The following CCSER1 variants were observed in gnomAD, a reference collection of about 807,000 sequenced individuals.
CCSER1 encodes coiled-coil serine rich protein 1.
CCSER1 carries 41 observed loss-of-function variants against 82.0 expected under a neutral mutation model. That is an observed-to-expected ratio of 0.50 (90% CI 0.39 to 0.65). The LOEUF is 0.65. Among genes scored for constraint, CCSER1 ranks in the 30% least tolerant of loss-of-function variants. CCSER1 has a pLI of 0.00. For synonymous variants in CCSER1, 414 were observed against 383.9 expected (o/e 1.08, Z -0.92); for missense variants, 1,119 against 1,064.2 (o/e 1.05, Z -0.72).
chr4:90,871,627 T>A (rs963937173), intron 8 of CCSER1, among the ~76,000 whole-genome samples: 1 of 151,890 alleles, frequency 6.6e-6, no homozygotes. Context: ...AGGAAAATAA[T>A]GTGTATTCTG....
intron 10 of CCSER1, among the ~76,000 whole-genome samples, chr4:91,334,005 A>AT (rs1747138835): frequency 1.3e-5 from 2 of 152,120 alleles, no homozygotes; most frequent in Admixed American, 1.3e-4. Flanking sequence ...AATGGACATC[A>AT]TCTATGTATT....
chr4:90,299,117 A>G lies in CCSER1; in HGVS notation c.-41-9127A>G, dbSNP rs146499135. Among the ~76,000 whole-genome samples the G allele has an allele frequency of 4.8e-3, 729 of 152,210 alleles. 3 individuals are homozygous for G. The highest frequency in any genetic ancestry group is 7.4e-3 in the Non-Finnish European group (503 of 67,996). On this transcript the variant is annotated intron_variant, in intron 1 of 10. Transcript: ENST00000509176. ...ATATATCATCATCCCTTAATTAATTAATCCAAACGACTCATCTGCTTTCCT... is the reference window on the plus strand; with the variant it reads ...ATATATCATCATCCCTTAATTAATTGATCCAAACGACTCATCTGCTTTCCT...
At chr4:91,192,770 T>C (rs2149051238) in intron 10 of CCSER1, among the ~76,000 whole-genome samples, 1 of 152,320 alleles carries the variant, frequency 6.6e-6, no homozygotes, top group East Asian at 1.9e-4. Flanking sequence ...TTTTGGTTTT[T>C]ACAAAATAAA....
intron 1 of CCSER1, among the ~76,000 whole-genome samples, chr4:90,221,450 C>T (rs1389039754): frequency 6.6e-6 from 1 of 152,072 alleles, no homozygotes; most frequent in African/African-American, 2.4e-5. Flanking sequence ...AAGACCTGTA[C>T]CAGGCATTTT....
rs182667619 is a variant in CCSER1 at position 90,183,760 on chromosome 4, A to G, written c.-42+55929A>G. ...ATTCTTTCTATTGTCACAATCTGGC[A>G]GTGTTAAGGACAATTTCAGTTCACT... On this transcript the variant is annotated intron_variant, in intron 1 of 10. Coordinates refer to ENST00000509176, the MANE Select transcript of CCSER1 (RefSeq NM_001145065.2). 2.6e-5 allele frequency among the ~76,000 whole-genome samples: 4 copies of G among 152,266 alleles called. No homozygotes were observed. In the East Asian group the frequency reaches 5.8e-4, roughly 22 times the overall value.
At chr4:91,364,219 G>T (rs1019416034) in intron 10 of CCSER1, among the ~76,000 whole-genome samples, 3 of 151,944 alleles carry the variant, frequency 2.0e-5, no homozygotes, top group African/African-American at 7.2e-5. Flanking sequence ...TAGTGCAGTA[G>T]CTCCTTGTCT....
chr4:91,097,513 AT>A (rs1724625754), intron 10 of CCSER1, among the ~76,000 whole-genome samples: 1 of 152,196 alleles, frequency 6.6e-6, no homozygotes, highest in Admixed American at 6.5e-5. Context: ...AAAGGTTAAT[AT>A]TGGTACACTT....
At position 91,504,669 on chromosome 4, in the gene CCSER1, CAT is replaced by C. The variant is rs1408133789; in HGVS notation, c.2218-93902_2218-93901del. On this transcript the variant is annotated intron_variant, in intron 10 of 10. Transcript: ENST00000509176. Reference sequence around the variant, plus strand: ...ACTATCATAATTTTTAAATTTGACACATTTTTATTTCAAAAGTCAGATTCTTA... The same window carrying C: ...ACTATCATAATTTTTAAATTTGACACTTTTATTTCAAAAGTCAGATTCTTA... Among the ~76,000 whole-genome samples the C allele has an allele frequency of 2.0e-5, 3 of 151,928 alleles. No homozygotes were observed. The East Asian group carries it at 5.8e-4, about 29-fold the overall frequency.
intron 9 of CCSER1, among the ~76,000 whole-genome samples, chr4:90,997,930 T>G (rs1561457151): frequency 1.3e-5 from 2 of 152,182 alleles, no homozygotes; most frequent in Non-Finnish European, 2.9e-5. Context: ...AGTCCAGCTC[T>G]GTAAAGGCAT....
intron 9 of CCSER1, among the ~76,000 whole-genome samples, chr4:91,002,775 A>G (rs1738152662): frequency 6.6e-6 from 1 of 152,110 alleles, no homozygotes; most frequent in Non-Finnish European, 1.5e-5. Context: ...CTTGGTTTGA[A>G]TCCATTGCTG....
chr4:91,090,680 C>T (rs1182071918), intron 10 of CCSER1, among the ~76,000 whole-genome samples: 1 of 152,192 alleles, frequency 6.6e-6, no homozygotes. Context: ...AGTTCCTCCA[C>T]AAACATACCA....
intron 6 of CCSER1, among the ~76,000 whole-genome samples, chr4:90,630,635 T>G (rs1264212001): frequency 6.6e-6 from 1 of 151,984 alleles, no homozygotes; most frequent in Non-Finnish European, 1.5e-5. Flanking sequence ...ATTATATGAT[T>G]AGCATAGACA....
chr4:90,254,220 A>G (rs1420050243), intron 1 of CCSER1, among the ~76,000 whole-genome samples: 1 of 152,174 alleles, frequency 6.6e-6, no homozygotes, highest in Non-Finnish European at 1.5e-5. Context: ...ATAAAGCCAG[A>G]TCTTTTAGGA....
At chr4:91,184,892 A>T (rs1271983237) in intron 10 of CCSER1, among the ~76,000 whole-genome samples, 1 of 152,158 alleles carries the variant, frequency 6.6e-6, no homozygotes, top group Non-Finnish European at 1.5e-5. Flanking sequence ...GTTGTAATAA[A>T]TCTCTTCCCC....
At chr4:91,013,781 T>C (rs1206134601) in intron 9 of CCSER1, among the ~76,000 whole-genome samples, 3 of 5,562 alleles carry the variant, frequency 5.4e-4, no homozygotes, top group African/African-American at 4.0e-3. Flanking sequence ...GTTTTTGTAT[T>C]TTTTTTTTTT....
intron 8 of CCSER1, among the ~76,000 whole-genome samples, chr4:90,822,106 A>C (rs2149790504): frequency 6.6e-6 from 1 of 152,348 alleles, no homozygotes; most frequent in African/African-American, 2.4e-5. Flanking sequence ...TAAGTAAGTT[A>C]GAGTTAAATT....
intron 10 of CCSER1, among the ~76,000 whole-genome samples, chr4:91,234,818 G>A (rs1181233607): frequency 1.3e-5 from 2 of 152,014 alleles, no homozygotes; most frequent in Non-Finnish European, 2.9e-5. Context: ...CTTTGACTAT[G>A]CAGTTGTCAT....
intron 10 of CCSER1, among the ~76,000 whole-genome samples, chr4:91,484,024 A>G (rs1461213550): frequency 1.3e-5 from 2 of 149,604 alleles, no homozygotes; most frequent in East Asian, 4.1e-4. Flanking sequence ...TCATATAATA[A>G]GCACTGTTGA....
intron 1 of CCSER1, among the ~76,000 whole-genome samples, chr4:90,247,903 T>C (rs1490851908): frequency 6.6e-6 from 1 of 152,116 alleles, no homozygotes; most frequent in Non-Finnish European, 1.5e-5. Context: ...AATGAAGCAA[T>C]TTCCCAACCT....
Sources: allele counts gnomAD v4.1 joint callset (sites outside exome capture counted in the v4.1 genomes callset), GRCh38; gene constraint gnomAD v4.1.1; transcripts MANE v1.5; gene names NCBI Gene and HGNC (gene_info 2026-07-23, HGNC 2026-07-21).